The following LOXL2 variants were observed in gnomAD, a reference collection of about 807,000 sequenced individuals.
LOXL2 encodes lysyl oxidase like 2.
Under a neutral mutation model 93.0 loss-of-function variants are expected in LOXL2, and 70 were observed. The observed-to-expected ratio is 0.75, with a 90% CI of 0.62 to 0.92. LOXL2 has a LOEUF of 0.92. Ranked by LOEUF, LOXL2 falls within the 40% of genes least tolerant of loss-of-function variation. The probability of loss-of-function intolerance (pLI) is 0.00; values close to 1 mark genes in which losing one functional copy is unlikely to be tolerated. For synonymous variants in LOXL2, 438 were observed against 413.2 expected, an observed-to-expected ratio of 1.06 and a Z score of -0.73; for missense variants, 973 against 1,054.9, an observed-to-expected ratio of 0.92 and a Z score of 1.08.
chr8:23,396,577 G>A (rs1310102184), intron 1 of LOXL2, among the ~76,000 whole-genome samples: 1 of 152,190 alleles, frequency 6.6e-6, no homozygotes, highest in African/African-American at 2.4e-5. Flanking sequence ...ATCTCAACAG[G>A]TTGTACTCCC....
intron 3 of LOXL2, among the ~76,000 whole-genome samples, chr8:23,343,316 G>A (rs1245767186): frequency 6.6e-6 from 1 of 152,210 alleles, no homozygotes; most frequent in African/African-American, 2.4e-5. Flanking sequence ...CTCGCACGCT[G>A]TAATGAGGTG....
chr8:23,314,560 G>A lies in LOXL2; in HGVS notation c.1636+2389C>T, dbSNP rs901873038. ...TCGCAAGAACAAAAAACCAAACACC[G>A]CATATTCTCACTCATAGGTGGGAAC... On this transcript the variant is annotated intron_variant, in intron 9 of 13. Transcript: ENST00000389131. 6.2e-4 allele frequency among the ~76,000 whole-genome samples: 88 copies of A among 142,640 alleles called. 1 individual carries two copies. Among genetic ancestry groups the A allele is most frequent in the African/African-American group, 2.2e-3 (86 of 39,100 alleles). The allele number at this position is 142,640 out of a possible 152,430, so 93.6% of individuals were successfully genotyped here.
chr8:23,350,429 G>A (rs145822964), intron 3 of LOXL2, among the ~76,000 whole-genome samples: 5,787 of 152,186 alleles, frequency 0.038, 209 homozygotes, highest in East Asian at 0.1. Context: ...AATTAGCTGG[G>A]CGTGGTGGCA....
intron 9 of LOXL2, among the ~76,000 whole-genome samples, chr8:23,311,191 G>A (rs1367206575): frequency 1.3e-5 from 2 of 152,204 alleles, no homozygotes; most frequent in African/African-American, 2.4e-5. Context: ...CTGCAGCAGA[G>A]TCCAGCGGGT....
At chr8:23,299,129 G>A (rs1169490620) in intron 12 of LOXL2, among the ~76,000 whole-genome samples, 182 bp from the exon 13 acceptor site, 1 of 152,210 alleles carries the variant, frequency 6.6e-6, no homozygotes, top group East Asian at 1.9e-4. Context: ...TCAGGGAGCA[G>A]AGGAAGCATG....
In LOXL2 at chr8:23,386,017, A is replaced by G. The variant is rs769642793; in HGVS notation, c.-83-17583T>C. The G allele has an allele frequency of 6.1e-5, 47 of 765,212 alleles. No homozygotes were observed. In the Admixed American group the frequency reaches 7.1e-4, roughly 12 times the overall value. 47.4% of individuals were successfully genotyped at this position (765,212 alleles called of 1,614,324 possible). On this transcript the variant is annotated intron_variant, in intron 1 of 13. Coordinates refer to ENST00000389131, the MANE Select transcript of LOXL2 (RefSeq NM_002318.3). ...CAACACAGCTTTGGACAACCCCCTG[A>G]GCAAGGTATTATCAGCATCCCTATT...
intron 3 of LOXL2, among the ~76,000 whole-genome samples, chr8:23,349,825 C>T (rs1260005985): frequency 6.6e-6 from 1 of 151,786 alleles, no homozygotes; most frequent in Non-Finnish European, 1.5e-5. Context: ...CAGAGTGGGT[C>T]CCCAAACATA....
At chr8:23,333,801 A>G (rs965694460) in intron 4 of LOXL2, among the ~76,000 whole-genome samples, 178 bp from the exon 5 acceptor site, 1 of 152,216 alleles carries the variant, frequency 6.6e-6, no homozygotes, top group African/African-American at 2.4e-5. Flanking sequence ...TAATGCCTGC[A>G]CCACACTAGG....
chr8:23,369,045 C>T (rs796847934), intron 1 of LOXL2, among the ~76,000 whole-genome samples: 50 of 152,288 alleles, frequency 3.3e-4, no homozygotes, highest in African/African-American at 1.2e-3. Context: ...TGAGGGAGCC[C>T]GTGTGGGACA....
At chr8:23,346,565 T>C (rs990360837) in intron 3 of LOXL2, among the ~76,000 whole-genome samples, 4 of 152,246 alleles carry the variant, frequency 2.6e-5, no homozygotes, top group African/African-American at 9.6e-5. Flanking sequence ...ATTTGCAGCA[T>C]CTGTCCATGA....
intron 5 of LOXL2, 135 bp from the exon 6 acceptor site, chr8:23,328,700 GATGTATGGAT>G: frequency 1.6e-6 from 1 of 629,522 alleles, no homozygotes; most frequent in Non-Finnish European, 2.7e-6. Context: ...AACTATGCTT[GATGTATGGAT>G]GTGTGTGTGT....
intron 3 of LOXL2, among the ~76,000 whole-genome samples, chr8:23,346,131 AT>A (rs1471647068): frequency 1.7e-5 from 1 of 59,714 alleles, no homozygotes; most frequent in Non-Finnish European, 3.4e-5. Context: ...ATAAAATAAA[AT>A]AAAATAAAAT....
At chr8:23,349,877 A>T (rs576870509) in intron 3 of LOXL2, among the ~76,000 whole-genome samples, 21 of 152,218 alleles carry the variant, frequency 1.4e-4, no homozygotes, top group African/African-American at 5.1e-4. Flanking sequence ...ATCCAACAAC[A>T]GGAGTTTAGC....
In LOXL2 at chr8:23,350,226, G is replaced by A. The variant is rs529848759; in HGVS notation, c.532-9023C>T. Among the ~76,000 whole-genome samples, 33 of 152,310 alleles carry A rather than the reference G, an allele frequency of 2.2e-4. No homozygotes were observed. In the South Asian group the frequency reaches 5.8e-3, roughly 27 times the overall value. ...GTATGAGGCATGCTGTACTCCAGGAGTCTGGCTATGTTGTAATTATCCCCT... is the reference window on the plus strand; with the variant it reads ...GTATGAGGCATGCTGTACTCCAGGAATCTGGCTATGTTGTAATTATCCCCT... On this transcript the variant is annotated intron_variant, in intron 3 of 13. Transcript: ENST00000389131.
At chr8:23,353,837 G>A (rs1362024703) in intron 3 of LOXL2, among the ~76,000 whole-genome samples, 3 of 152,184 alleles carry the variant, frequency 2.0e-5, no homozygotes, top group Non-Finnish European at 2.9e-5. Flanking sequence ...ACTACAGGCC[G>A]TCACAGCTGG....
chr8:23,402,289 CCA>C (rs919252907), intron 1 of LOXL2, among the ~76,000 whole-genome samples: 3 of 150,918 alleles, frequency 2.0e-5, no homozygotes, highest in African/African-American at 7.3e-5. Context: ...ATACATGTGC[CCA>C]CACATACACG....
intron 9 of LOXL2, among the ~76,000 whole-genome samples, chr8:23,311,148 T>C (rs1365455736): frequency 6.6e-6 from 1 of 152,176 alleles, no homozygotes; most frequent in East Asian, 1.9e-4. Flanking sequence ...GAGCTCTGTC[T>C]CCCTTCTCCC....
At chr8:23,354,964 T>A (rs1171416807) in intron 3 of LOXL2, among the ~76,000 whole-genome samples, 4,571 of 132,112 alleles carry the variant, frequency 0.035, 267 homozygotes, top group East Asian at 0.069. Context: ...TTTTTTTTTT[T>A]TTTTTTTTTT....
intron 1 of LOXL2, among the ~76,000 whole-genome samples, chr8:23,397,436 A>AT (rs1157232073): frequency 6.6e-6 from 1 of 152,186 alleles, no homozygotes; most frequent in Non-Finnish European, 1.5e-5. Flanking sequence ...GGATCATGTG[A>AT]TTTTACCTAG....
Sources: allele counts gnomAD v4.1 joint callset (sites outside exome capture counted in the v4.1 genomes callset), GRCh38; gene constraint gnomAD v4.1.1; transcripts MANE v1.5; gene names NCBI Gene and HGNC (gene_info 2026-07-23, HGNC 2026-07-21).